Variants in CTSV observed in about 807,000 individuals in gnomAD.
CTSV encodes cathepsin V.
CTSV carries 33 observed loss-of-function variants against 35.6 expected under a neutral mutation model. That is an observed-to-expected ratio of 0.93 (90% CI 0.70 to 1.24). The LOEUF is 1.24. Among genes scored for constraint, CTSV ranks in the 50% most tolerant of loss-of-function variants. The pLI, the probability that CTSV is intolerant of heterozygous loss-of-function variation, is 0.00. For missense variants in CTSV, 408 were observed against 413.1 expected (o/e 0.99, Z 0.11); for synonymous variants, 154 against 147.1 (o/e 1.05, Z -0.34).
rs774302568 is a variant in CTSV, at chr9:97,033,055, G to T, written c.906-7C>A. ...GCCCCATTCTGGACCCCAGCTGAAA[G>T]AGGAGCAGGTTTTCCATTTTATACA... On this transcript the variant is annotated splice_region_variant and splice_polypyrimidine_tract_variant and intron_variant, in intron 7 of 7. Coordinates refer to ENST00000259470, the MANE Select transcript of CTSV (RefSeq NM_001333.4). 9 of 1,599,614 alleles carry T rather than the reference G, an allele frequency of 5.6e-6. No homozygotes were observed. In the East Asian group the frequency reaches 2.0e-4, roughly 36 times the overall value.
intron 1 of CTSV, among the ~76,000 whole-genome samples, chr9:97,038,796 G>A (rs777082044): frequency 6.6e-6 from 1 of 152,132 alleles, no homozygotes; most frequent in Non-Finnish European, 1.5e-5. Context: ...GGGAGCGGGG[G>A]CTCCGCGGCC....
At chr9:97,036,349 G>A (rs1026150424) in intron 5 of CTSV, 174 bp downstream of exon 5, 1 of 648,118 alleles carries the variant, frequency 1.5e-6, no homozygotes, top group Non-Finnish European at 2.8e-6. Context: ...GGGATTACAG[G>A]TGATCCACCA....
chr9:97,038,286 T>G (rs542050729), intron 1 of CTSV: 48 of 399,758 alleles, frequency 1.2e-4, no homozygotes, highest in African/African-American at 8.5e-4. Flanking sequence ...ATGAGAAGGG[T>G]GTGAAAGATA....
At chr9:97,034,087 ACT>A (rs1394701395) in intron 7 of CTSV, among the ~76,000 whole-genome samples, 1 of 152,190 alleles carries the variant, frequency 6.6e-6, no homozygotes, top group Non-Finnish European at 1.5e-5. Flanking sequence ...ACAGAGCGAC[ACT>A]CTGTCTCAAA....
chr9:97,033,629 C>A (rs1050738270), intron 7 of CTSV, among the ~76,000 whole-genome samples: 1 of 150,910 alleles, frequency 6.6e-6, no homozygotes, highest in East Asian at 2.0e-4. Context: ...AAAAAACAAA[C>A]AAAAAAACCC....
rs966938345 is a variant in CTSV at position 97,032,216 on chromosome 9, G to C, written c.*733C>G. On this transcript the variant is annotated 3_prime_UTR_variant, in exon 8 of 8. Transcript: ENST00000259470. ...GAGGTCGAGAGTTCAAGACCAGCCT[G>C]GCCAAGATGGTGAAACCCTCTCTCT... 6.6e-6 allele frequency: 1 copy of C among 152,176 alleles called. No individual in the cohort carries two copies. 9.4% of individuals were successfully genotyped at this position (152,176 alleles called of 1,614,324 possible).
Position 97,037,918 on chromosome 9 carries a change from C to G in CTSV, c.126G>C (p.Ala42=). ...CTGGACAGTTTCAGATGTTACCAAC[C>G]GCGCCATATAATCTTCTGTGTGTTG... ...WKATHRRLYG[A]NEEGWRRAVW... Residue 42 remains alanine, a splice_region_variant and synonymous_variant, in exon 2 of 8, where the codon GCG becomes GCC. Coordinates refer to ENST00000259470, the MANE Select transcript of CTSV (RefSeq NM_001333.4). 3 of 1,613,848 alleles carry G rather than the reference C, an allele frequency of 1.9e-6. No homozygotes were observed. The highest frequency in any genetic ancestry group is 2.2e-5 in the South Asian group (2 of 91,032).
chr9:97,037,600 T>A lies in CTSV; in HGVS notation c.142A>T (p.Arg48Trp), dbSNP rs1431292871. Residue 48 changes from arginine to tryptophan, a missense_variant, in exon 3 of 8, where the codon AGG (arginine) becomes TGG (tryptophan). By Grantham distance (101) the Arg-to-Trp change is moderately radical. Transcript: ENST00000259470. ...RLYGANEEGW[R>W]RAVWEKNMKM... ...ATATTCTTTTCCCACACTGCTCTCCTCCATCCTTCTTCATTCTAGAGGCAA... is the reference window on the plus strand; with the variant it reads ...ATATTCTTTTCCCACACTGCTCTCCACCATCCTTCTTCATTCTAGAGGCAA... 1.2e-6 allele frequency: 2 copies of A among 1,613,916 alleles called. No individual in the cohort carries two copies. The highest frequency in any genetic ancestry group is 1.7e-6 in the Non-Finnish European group (2 of 1,180,000).
At position 97,039,117 on chromosome 9, in the gene CTSV, G is replaced by T. The variant is rs1005623140; in HGVS notation, c.-57C>A. On this transcript the variant is annotated 5_prime_UTR_variant, in exon 1 of 8. Coordinates refer to ENST00000259470, the MANE Select transcript of CTSV (RefSeq NM_001333.4). ...AGGCACCCTCAGCAAACAAGCCTCT[G>T]AGATTACAGACGTCCGCGGTCTGGT... The T allele has an allele frequency of 2.0e-5, 3 of 152,344 alleles. No homozygotes were observed. The highest frequency in any genetic ancestry group is 7.2e-5 in the African/African-American group (3 of 41,460). 9.4% of individuals were successfully genotyped at this position (152,344 alleles called of 1,614,324 possible).
At chr9:97,036,000 A>C (rs1353512246) in intron 5 of CTSV, among the ~76,000 whole-genome samples, 1 of 152,236 alleles carries the variant, frequency 6.6e-6, no homozygotes, top group Non-Finnish European at 1.5e-5. Flanking sequence ...CTGTGTGTTA[A>C]CCATCTAATG....
At chr9:97,036,381 T>C (rs1347153917) in intron 5 of CTSV, 142 bp downstream of exon 5, 2 of 739,354 alleles carry the variant, frequency 2.7e-6, no homozygotes, top group Admixed American at 4.3e-5. Flanking sequence ...AGGCTAATAA[T>C]TTATAATGAC....
chr9:97,037,867 C>T (rs150792802), intron 2 of CTSV, 51 bp downstream of exon 2: 43 of 1,601,528 alleles, frequency 2.7e-5, no homozygotes, highest in African/African-American at 2.1e-4. Flanking sequence ...CTCCCAACAG[C>T]GAGGACCATT....
At position 97,030,314 on chromosome 9, in the gene CTSV, C is replaced by T. The variant is rs1034851383; in HGVS notation, c.*2635G>A. The T allele has an allele frequency of 6.6e-6, 1 of 152,212 alleles. No individual in the cohort carries two copies. Among genetic ancestry groups the T allele is most frequent in the African/African-American group, 2.4e-5 (1 of 41,452 alleles). The allele number at this position is 152,212 out of a possible 1,614,324, so 9.4% of individuals were successfully genotyped here. A position where few individuals can be genotyped will look rare whatever the true frequency, so the allele number is the denominator to read the frequency against. Reference sequence around the variant, plus strand: ...ATGATGCCCAAGTGTCATAACTACACTCCCACATCAGCAAACTCCTCCCTC... The same window carrying T: ...ATGATGCCCAAGTGTCATAACTACATTCCCACATCAGCAAACTCCTCCCTC... On this transcript the variant is annotated 3_prime_UTR_variant, in exon 8 of 8. Coordinates refer to ENST00000259470, the MANE Select transcript of CTSV (RefSeq NM_001333.4).
chr9:97,035,645 C>T lies in CTSV; in HGVS notation c.670G>A (p.Gly224Ser). The T allele has an allele frequency of 6.3e-7, 1 of 1,597,674 alleles. No homozygotes were observed. Among genetic ancestry groups the T allele is most frequent in the Non-Finnish European group, 8.5e-7 (1 of 1,171,250 alleles). Reference protein sequence around the residue: ...RPENSVANDTGFTVVAPGKEK... With the variant: ...RPENSVANDTSFTVVAPGKEK... ...TTTCCAGGTGCGACCACTGTGAAGCCAGTGTCATTAGCAACAGAATTCTCA... is the reference window on the plus strand; with the variant it reads ...TTTCCAGGTGCGACCACTGTGAAGCTAGTGTCATTAGCAACAGAATTCTCA... Residue 224 changes from glycine to serine, a missense_variant, in exon 6 of 8, where the codon GGC becomes AGC. Gly to Ser is a moderately conservative substitution (Grantham distance 56). Transcript: ENST00000259470.
intron 4 of CTSV, 40 bp from the exon 5 acceptor site, chr9:97,036,787 C>G (rs931511093): frequency 6.8e-7 from 1 of 1,473,272 alleles, no homozygotes; most frequent in Non-Finnish European, 9.2e-7. Flanking sequence ...TTTACAAGAC[C>G]AATACAAATA....
Position 97,037,350 on chromosome 9 carries a change from A to T in CTSV, c.298T>A (p.Phe100Ile). 1.2e-6 allele frequency: 2 copies of T among 1,614,154 alleles called. No homozygotes were observed. The highest frequency in any genetic ancestry group is 1.7e-6 in the Non-Finnish European group (2 of 1,180,022). ...QMMGCFRNQK[F>I]RKGKVFREPL... ...TCACGGAACACTTTCCCCTTCCTGA[A>T]TTTCTGGTTTCGAAAGCAACCCATC... The change falls in exon 4 of 8, where the codon TTC becomes ATC. Residue 100 changes from phenylalanine to isoleucine, a missense_variant. Coordinates refer to ENST00000259470, the MANE Select transcript of CTSV (RefSeq NM_001333.4).
At chr9:97,035,084 A>G (rs1469694294) in intron 6 of CTSV, among the ~76,000 whole-genome samples, 2 of 152,222 alleles carry the variant, frequency 1.3e-5, no homozygotes, top group Non-Finnish European at 2.9e-5. Flanking sequence ...TTCTACCAAA[A>G]AAAATGAAAA....
intron 2 of CTSV, 47 bp downstream of exon 2, chr9:97,037,871 G>T: frequency 6.2e-7 from 1 of 1,603,844 alleles, no homozygotes; most frequent in South Asian, 1.1e-5. Flanking sequence ...CAACAGCGAG[G>T]ACCATTCTCT....
chr9:97,036,634 C>T lies in CTSV; in HGVS notation c.510G>A (p.Ser170=), dbSNP rs377218841. ...TGCAGCCCTGATTGCCTTGAGGACGCGAACAGTCCACCAGATTCTGCTCGC... is the reference window on the plus strand; with the variant it reads ...TGCAGCCCTGATTGCCTTGAGGACGTGAACAGTCCACCAGATTCTGCTCGC... ...SLSEQNLVDC[S]RPQGNQGCNG... Residue 170 remains serine (S), a synonymous_variant, in exon 5 of 8, where the codon TCG becomes TCA. Transcript: ENST00000259470. 1.9e-5 allele frequency: 31 copies of T among 1,613,992 alleles called. No homozygotes were observed. Among genetic ancestry groups the T allele is most frequent in the East Asian group, 6.7e-5 (3 of 44,864 alleles).
Sources: gnomAD v4.1 joint callset for allele counts (sites outside exome capture counted in the v4.1 genomes callset) on GRCh38, gnomAD v4.1.1 for gene constraint, MANE v1.5 for transcripts, NCBI Gene and HGNC (gene_info 2026-07-23, HGNC 2026-07-21) for gene names.